Variants in DAB1 observed in about 807,000 individuals in gnomAD.
DAB1 encodes the protein disabled homolog 1.
A neutral mutation model predicts 64.6 loss-of-function variants in DAB1; 15 were observed. The observed-to-expected ratio is 0.23, with a 90% CI of 0.16 to 0.36. The LOEUF is 0.36. Among genes scored for constraint, DAB1 ranks in the 10% least tolerant of loss-of-function variants. DAB1 has a pLI of 1.00. For missense variants in DAB1, 596 were observed against 706.7 expected (o/e 0.84, Z 1.78); for synonymous variants, 235 against 251.9 (o/e 0.93, Z 0.64).
At chr1:57,152,748 A>T (rs1445747550) in intron 2 of DAB1, among the ~76,000 whole-genome samples, 1 of 152,182 alleles carries the variant, frequency 6.6e-6, no homozygotes, top group Non-Finnish European at 1.5e-5. Context: ...TTTATAACTA[A>T]TATTTATAAC....
Position 58,043,751 on chromosome 1 carries a change from G to A in DAB1, n.387+106760C>T, listed in dbSNP as rs180857878. 2.3e-3 allele frequency among the ~76,000 whole-genome samples: 342 copies of A among 151,534 alleles called. 1 individual carries two copies. The highest frequency in any genetic ancestry group is 6.1e-4 in the African/African-American group (25 of 41,200). ...CAACCCACATTTTTTTTTTTAAGAC[G>A]GAGTCTTGCTCTGTCACCCAGGCTC... On this transcript the variant is annotated intron_variant and non_coding_transcript_variant, in intron 5 of 20. Transcript: ENST00000485760.
intron 2 of DAB1, among the ~76,000 whole-genome samples, chr1:57,281,958 G>A (rs998421888): frequency 6.6e-6 from 1 of 151,928 alleles, no homozygotes; most frequent in Admixed American, 6.6e-5. Flanking sequence ...GAGGCAGGCC[G>A]ATTAGCTGAG....
At chr1:57,121,121 GA>G (rs2100752129) in intron 4 of DAB1, among the ~76,000 whole-genome samples, 1 of 147,830 alleles carries the variant, frequency 6.8e-6, no homozygotes, top group East Asian at 2.1e-4. Flanking sequence ...AGAAGAGGAA[GA>G]AGAAGAAGAG....
At chr1:58,466,199 G>T (rs1344545910) in intron 3 of DAB1, among the ~76,000 whole-genome samples, 1 of 152,038 alleles carries the variant, frequency 6.6e-6, no homozygotes, top group Non-Finnish European at 1.5e-5. Context: ...GACTCCTCTC[G>T]TGGGCAACCT....
intron 5 of DAB1, among the ~76,000 whole-genome samples, chr1:58,037,202 C>A (rs992892575): frequency 6.6e-6 from 1 of 152,174 alleles, no homozygotes; most frequent in Non-Finnish European, 1.5e-5. Flanking sequence ...TTTGCCTGCA[C>A]ACACAGATTT....
intron 2 of DAB1, among the ~76,000 whole-genome samples, chr1:57,151,967 C>T (rs1022089699): frequency 1.3e-5 from 2 of 151,994 alleles, no homozygotes; most frequent in African/African-American, 4.8e-5. Flanking sequence ...GTGCCCGCCA[C>T]CATGCCCGGC....
chr1:57,883,387 G>T (rs970043393), intron 1 of DAB1, among the ~76,000 whole-genome samples: 23 of 152,132 alleles, frequency 1.5e-4, no homozygotes, highest in African/African-American at 5.3e-4. Flanking sequence ...TAAATTAAAG[G>T]ATGTCAATTT....
intron 1 of DAB1, among the ~76,000 whole-genome samples, chr1:57,336,210 C>G (rs1677066786): frequency 1.3e-5 from 2 of 152,172 alleles, no homozygotes. Flanking sequence ...ACCTCTAATA[C>G]CTTGTTATAG....
chr1:57,223,421 G>A (rs183111718), intron 2 of DAB1, among the ~76,000 whole-genome samples: 9 of 152,216 alleles, frequency 5.9e-5, no homozygotes, highest in East Asian at 1.9e-4. Context: ...AACTTACCTC[G>A]CTGGCTTAGA....
At chr1:58,004,378 C>T (rs1646550433) in intron 5 of DAB1, among the ~76,000 whole-genome samples, 1 of 152,150 alleles carries the variant, frequency 6.6e-6, no homozygotes, top group Non-Finnish European at 1.5e-5. Flanking sequence ...AGATGTTGAG[C>T]CACCTGCCAT....
At position 57,819,718 on chromosome 1, in the gene DAB1, A is replaced by ACAG. The variant is rs1652028541; in HGVS notation, n.551+64278_551+64280dup. Among the ~76,000 whole-genome samples, 6 of 152,314 alleles carry ACAG rather than the reference A, an allele frequency of 3.9e-5. No individual in the cohort carries two copies. In the South Asian group the frequency reaches 1.2e-3, roughly 32 times the overall value. Reference sequence around the variant, plus strand: ...GCATTCCCATTTATCTTGTGCTCCCACAGCAAAATATACTGGGAACTGTCA... The same window carrying ACAG: ...GCATTCCCATTTATCTTGTGCTCCCACAGCAGCAAAATATACTGGGAACTGTCA... On this transcript the variant is annotated intron_variant and non_coding_transcript_variant, in intron 6 of 20. Transcript: ENST00000485760.
chr1:58,103,894 G>A (rs770192887), intron 5 of DAB1, among the ~76,000 whole-genome samples: 12 of 152,002 alleles, frequency 7.9e-5, no homozygotes, highest in Non-Finnish European at 5.9e-5. Flanking sequence ...CATTTTCTTC[G>A]TGGAGGTCAT....
At chr1:57,216,359 T>C (rs565395588) in intron 2 of DAB1, among the ~76,000 whole-genome samples, 25 of 152,276 alleles carry the variant, frequency 1.6e-4, no homozygotes, top group African/African-American at 5.5e-4. Context: ...GTAACTCCTT[T>C]ATATAATCAT....
intron 5 of DAB1, among the ~76,000 whole-genome samples, chr1:58,103,270 A>G (rs1263927612): frequency 6.6e-6 from 1 of 152,190 alleles, no homozygotes; most frequent in East Asian, 1.9e-4. Flanking sequence ...TGAAAACACA[A>G]TTTGCAAGTA....
chr1:57,488,669 T>A (rs547519361), intron 7 of DAB1, among the ~76,000 whole-genome samples: 1 of 151,928 alleles, frequency 6.6e-6, no homozygotes, highest in East Asian at 1.9e-4. Context: ...AGAGTGCAAT[T>A]CTATCTCAAA....
intron 5 of DAB1, chr1:58,047,846 T>C (rs1170720013): frequency 4.1e-6 from 1 of 244,784 alleles, no homozygotes; most frequent in Non-Finnish European, 8.0e-6. Flanking sequence ...AACTACTTTT[T>C]TTAAGGCATT....
chr1:57,443,694 T>C (rs1181123294), intron 7 of DAB1, among the ~76,000 whole-genome samples: 1 of 152,216 alleles, frequency 6.6e-6, no homozygotes, highest in African/African-American at 2.4e-5. Context: ...AGCTTCCCTC[T>C]GCTTCATTCC....
At chr1:57,306,816 A>G (rs1464442438) in intron 1 of DAB1, 3 of 152,214 alleles carry the variant, frequency 2.0e-5, no homozygotes, top group Admixed American at 6.5e-5. Context: ...TGATACGACC[A>G]TGGCAGCTCT....
chr1:58,485,082 G>T (rs1414971051), intron 3 of DAB1, among the ~76,000 whole-genome samples: 1 of 151,876 alleles, frequency 6.6e-6, no homozygotes, highest in Non-Finnish European at 1.5e-5. Flanking sequence ...TTCATCAATT[G>T]TAACTAATAT....
Sources: gnomAD v4.1 joint callset for allele counts (sites outside exome capture counted in the v4.1 genomes callset) on GRCh38, gnomAD v4.1.1 for gene constraint, MANE v1.5 for transcripts, NCBI Gene and HGNC (gene_info 2026-07-23, HGNC 2026-07-21) for gene names.